Variants in FBXL7 observed in about 807,000 individuals in gnomAD.
FBXL7 encodes F-box/LRR-repeat protein 7.
A neutral mutation model predicts 38.3 loss-of-function variants in FBXL7; 12 were observed. The observed-to-expected ratio is 0.31, with a 90% confidence interval of 0.20 to 0.51. The LOEUF (loss-of-function observed/expected upper bound fraction) is 0.51. Among genes scored for constraint, FBXL7 ranks in the 20% least tolerant of loss-of-function variants. The pLI is 0.98. For synonymous variants in FBXL7, 297 were observed against 300.9 expected (o/e 0.99, Z 0.13); for missense variants, 567 against 676.4 (o/e 0.84, Z 1.79).
At chr5:15,659,798 T>C (rs1339843734) in intron 2 of FBXL7, among the ~76,000 whole-genome samples, 1 of 152,228 alleles carries the variant, frequency 6.6e-6, no homozygotes, top group Non-Finnish European at 1.5e-5. Flanking sequence ...AATGACAATG[T>C]CGTCACCATA....
At chr5:15,721,635 T>A (rs1261246666) in intron 2 of FBXL7, among the ~76,000 whole-genome samples, 1 of 152,148 alleles carries the variant, frequency 6.6e-6, no homozygotes, top group East Asian at 1.9e-4. Flanking sequence ...AGAGAGGTGA[T>A]CTTTTTTGAC....
intron 1 of FBXL7, among the ~76,000 whole-genome samples, chr5:15,511,548 G>A (rs1207528037): frequency 1.3e-5 from 2 of 152,204 alleles, no homozygotes; most frequent in African/African-American, 4.8e-5. Context: ...AACAGCAGAT[G>A]CTATGGGGAA....
chr5:15,772,445 A>G (rs1381782436), intron 2 of FBXL7, among the ~76,000 whole-genome samples: 1 of 152,226 alleles, frequency 6.6e-6, no homozygotes, highest in African/African-American at 2.4e-5. Flanking sequence ...TCCATGGCAT[A>G]GAAGACAAAT....
chr5:15,776,161 C>T (rs1401527866), intron 2 of FBXL7, among the ~76,000 whole-genome samples: 1 of 151,934 alleles, frequency 6.6e-6, no homozygotes, highest in Non-Finnish European at 1.5e-5. Context: ...TAAAACATAA[C>T]AGAAAGAAAT....
At chr5:15,922,399 A>T (rs1342351219) in intron 2 of FBXL7, among the ~76,000 whole-genome samples, 2 of 152,144 alleles carry the variant, frequency 1.3e-5, no homozygotes, top group East Asian at 3.8e-4. Context: ...AGAGCTTTTT[A>T]TGTATACTGC....
intron 2 of FBXL7, among the ~76,000 whole-genome samples, chr5:15,869,971 G>A (rs533949081): frequency 2.0e-5 from 3 of 152,210 alleles, no homozygotes; most frequent in Admixed American, 1.3e-4. Context: ...TTAGCTGGAT[G>A]TGGTGGCACA....
At chr5:15,698,517 A>G (rs563090235) in intron 2 of FBXL7, among the ~76,000 whole-genome samples, 1 of 152,332 alleles carries the variant, frequency 6.6e-6, no homozygotes, top group Non-Finnish European at 1.5e-5. Flanking sequence ...GTGGTGTGGT[A>G]TATCTATTTT....
intron 2 of FBXL7, among the ~76,000 whole-genome samples, chr5:15,835,670 T>C (rs1374047055): frequency 6.6e-6 from 1 of 152,182 alleles, no homozygotes; most frequent in African/African-American, 2.4e-5. Context: ...GGCCATCTGA[T>C]GCAGGTCTGA....
At chr5:15,608,182 G>T (rs979104454) in intron 1 of FBXL7, among the ~76,000 whole-genome samples, 16 of 151,874 alleles carry the variant, frequency 1.1e-4, no homozygotes, top group African/African-American at 3.6e-4. Flanking sequence ...TGAAATAATG[G>T]GTCAATATTA....
chr5:15,573,245 T>A (rs1738844815), intron 1 of FBXL7, among the ~76,000 whole-genome samples: 1 of 152,168 alleles, frequency 6.6e-6, no homozygotes, highest in South Asian at 2.1e-4. Flanking sequence ...GCAGTTGCAC[T>A]GAGAGATGCT....
chr5:15,621,225 G>A (rs1210075908), intron 2 of FBXL7, among the ~76,000 whole-genome samples: 1 of 152,088 alleles, frequency 6.6e-6, no homozygotes, highest in African/African-American at 2.4e-5. Flanking sequence ...TGGTGTAGAC[G>A]TTCTTTACAG....
At chr5:15,579,926 T>G (rs1249212272) in intron 1 of FBXL7, among the ~76,000 whole-genome samples, 2 of 152,172 alleles carry the variant, frequency 1.3e-5, no homozygotes, top group East Asian at 3.9e-4. Context: ...AGTTGCTTAT[T>G]CCAGGGAAGC....
rs562367359 is a variant in FBXL7, at chr5:15,728,471, C to G, written c.127+112399C>G. On this transcript the variant is annotated intron_variant, in intron 2 of 3. Coordinates refer to ENST00000504595, the MANE Select transcript of FBXL7 (RefSeq NM_012304.5). ...TTCCGAATTCTTTGCAACTTTTTCTCTAAGTCTGTTCTCACAAAGCAAACT... is the reference window on the plus strand; with the variant it reads ...TTCCGAATTCTTTGCAACTTTTTCTGTAAGTCTGTTCTCACAAAGCAAACT... Among the ~76,000 whole-genome samples the G allele has an allele frequency of 2.0e-5, 3 of 152,230 alleles. No individual in the cohort carries two copies. The East Asian group carries it at 5.8e-4, about 29-fold the overall frequency.
chr5:15,663,662 G>C (rs2126587583), intron 2 of FBXL7, among the ~76,000 whole-genome samples: 1 of 152,220 alleles, frequency 6.6e-6, no homozygotes, highest in African/African-American at 2.4e-5. Context: ...TGGCCTCCTG[G>C]GATGAAGCCT....
intron 1 of FBXL7, among the ~76,000 whole-genome samples, chr5:15,588,658 A>G (rs1434543871): frequency 6.6e-6 from 1 of 152,128 alleles, no homozygotes; most frequent in Non-Finnish European, 1.5e-5. Flanking sequence ...AAGTGCTGGG[A>G]TTATAGGCGT....
intron 2 of FBXL7, among the ~76,000 whole-genome samples, chr5:15,884,249 C>CTCCTTTCT (rs1740581539): frequency 6.6e-6 from 1 of 150,480 alleles, no homozygotes; most frequent in Admixed American, 6.7e-5. Flanking sequence ...ATCAGGGAAT[C>CTCCTTTCT]TTCTTTCTTT....
intron 2 of FBXL7, among the ~76,000 whole-genome samples, chr5:15,756,497 C>G (rs1014982164): frequency 6.6e-6 from 1 of 152,142 alleles, no homozygotes; most frequent in Non-Finnish European, 1.5e-5. Flanking sequence ...TTGGAAATAT[C>G]TGTTCTCATT....
At chr5:15,768,287 T>G (rs1736641684) in intron 2 of FBXL7, among the ~76,000 whole-genome samples, 1 of 152,070 alleles carries the variant, frequency 6.6e-6, no homozygotes, top group East Asian at 1.9e-4. Context: ...ATCCCAGCAC[T>G]TTGGGAGGCC....
At chr5:15,776,678 G>A (rs1579453496) in intron 2 of FBXL7, among the ~76,000 whole-genome samples, 1 of 152,138 alleles carries the variant, frequency 6.6e-6, no homozygotes. Flanking sequence ...TCTCGCATAT[G>A]TTTCTTATAA....
Sources: gnomAD v4.1 joint callset for allele counts (sites outside exome capture counted in the v4.1 genomes callset) on GRCh38, gnomAD v4.1.1 for gene constraint, MANE v1.5 for transcripts, NCBI Gene and HGNC (gene_info 2026-07-23, HGNC 2026-07-21) for gene names.